ZNF343: variants seen among roughly 807,000 people sequenced by gnomAD.
The protein encoded by ZNF343 is zinc finger protein 343.
Under a neutral mutation model 13.8 loss-of-function variants are expected in ZNF343, and 11 were observed. The observed-to-expected ratio is 0.80, with a 90% confidence interval of 0.50 to 1.32. The LOEUF (loss-of-function observed/expected upper bound fraction) is 1.32. ZNF343 is among the 40% of genes most tolerant of loss of function. ZNF343 has a pLI of 0.00. For missense variants in ZNF343, 658 were observed against 714.2 expected (o/e 0.92, Z 0.90); for synonymous variants, 248 against 260.0 (o/e 0.95, Z 0.44).
chr20:2,505,636 C>T (rs2085643757), intron 1 of ZNF343, among the ~76,000 whole-genome samples: 2 of 152,178 alleles, frequency 1.3e-5, no homozygotes, highest in African/African-American at 4.8e-5. Flanking sequence ...GAAATAATGC[C>T]GCATATCTAC....
At chr20:2,514,902 T>C (rs545982282) in intron 1 of ZNF343, among the ~76,000 whole-genome samples, 19 of 152,070 alleles carry the variant, frequency 1.2e-4, no homozygotes, top group African/African-American at 4.3e-4. Flanking sequence ...GGCACGAGAA[T>C]TGCTTGAACT....
At chr20:2,490,178 G>A (rs1025636394) in intron 5 of ZNF343, among the ~76,000 whole-genome samples, 1 of 152,096 alleles carries the variant, frequency 6.6e-6, no homozygotes, top group Non-Finnish European at 1.5e-5. Flanking sequence ...AGATGGGGAT[G>A]AAGCACAGGT....
In ZNF343 at chr20:2,483,698, G is replaced by A; in HGVS notation, c.1263C>T (p.Asn421=). 3.3e-6 allele frequency: 5 copies of A among 1,516,724 alleles called. No individual in the cohort carries two copies. The highest frequency in any genetic ancestry group is 2.6e-5 in the East Asian group (1 of 37,930). 94.0% of individuals were successfully genotyped at this position (1,516,724 alleles called of 1,614,324 possible). Residue 421 remains asparagine (N), a synonymous_variant, in exon 6 of 6, where the codon AAC becomes AAT. Transcript: ENST00000278772. ...TCCTCTGGTGTTTGATGAGATCTGAGTTCTGGCTAAAGCCTCGCCCACACT... is the reference window on the plus strand; with the variant it reads ...TCCTCTGGTGTTTGATGAGATCTGAATTCTGGCTAAAGCCTCGCCCACACT... The part of the protein sequence containing the change: ...CRECGRGFSQ[N]SDLIKHQRTH...
Position 2,484,545 on chromosome 20 carries a change from T to C in ZNF343, c.416A>G (p.Asn139Ser), listed in dbSNP as rs1390228116. ...LQIFLGLCAE[N>S]HFHPGNSSPG... ...GCTAGAATTCCCTGGATGGAAGTGA[T>C]TTTCTGCACATAAGCCCAGGAAGAT... The change falls in exon 6 of 6, where the codon AAT becomes AGT. Residue 139 changes from asparagine to serine, a missense_variant. Asn to Ser is a conservative substitution (Grantham distance 46). Coordinates refer to ENST00000278772, the MANE Select transcript of ZNF343 (RefSeq NM_024325.6). 1.9e-6 allele frequency: 3 copies of C among 1,614,218 alleles called. No individual in the cohort carries two copies. Among genetic ancestry groups the C allele is most frequent in the Non-Finnish European group, 2.5e-6 (3 of 1,180,040 alleles).
At chr20:2,509,745 TAGG>T (rs2085726477), upstream of ZNF343, among the ~76,000 whole-genome samples, 1 of 152,230 alleles carries the variant, frequency 6.6e-6, no homozygotes. Flanking sequence ...ACACGGCAAT[TAGG>T]GGTTTGCAGA....
intron 2 of ZNF343, among the ~76,000 whole-genome samples, chr20:2,496,259 T>G (rs2085457268): frequency 6.6e-6 from 1 of 152,116 alleles, no homozygotes; most frequent in Non-Finnish European, 1.5e-5. Context: ...GAGGGAGTGA[T>G]TCATGTGGGC....
In ZNF343 at chr20:2,518,863, G is replaced by A. The variant is rs532638659; in HGVS notation, c.-347+5592C>T. Among the ~76,000 whole-genome samples the A allele has an allele frequency of 9.2e-5, 14 of 152,306 alleles. No individual in the cohort carries two copies. The highest frequency in any genetic ancestry group is 2.4e-4 in the African/African-American group (10 of 41,566). Reference sequence around the variant, plus strand: ...TCAGGGGAGGGACCTGGTGGAAGGCGATTGGCTCATGGGGGTGGTTTCATC... The same window carrying A: ...TCAGGGGAGGGACCTGGTGGAAGGCAATTGGCTCATGGGGGTGGTTTCATC... On this transcript the variant is annotated intron_variant, in intron 1 of 6. Transcript: ENST00000358413. The surrounding 1 kb of genome is among the most constrained non-coding windows in gnomAD (Gnocchi z 4.6).
intron 1 of ZNF343, among the ~76,000 whole-genome samples, chr20:2,514,494 G>A (rs1204978017): frequency 1.3e-5 from 2 of 152,170 alleles, no homozygotes; most frequent in Non-Finnish European, 2.9e-5. Context: ...CAATTATAGT[G>A]AATCAAAGCA....
upstream of ZNF343, among the ~76,000 whole-genome samples, chr20:2,509,674 A>T (rs2085725808): frequency 6.6e-6 from 1 of 152,164 alleles, no homozygotes; most frequent in South Asian, 2.1e-4. Flanking sequence ...CCAGGAGTTA[A>T]ATGTATATAT....
chr20:2,493,177 A>C (rs2122609800), intron 4 of ZNF343: 1 of 490,360 alleles, frequency 2.0e-6, no homozygotes, highest in East Asian at 3.9e-5. Context: ...TGGGCTGCAG[A>C]AGGAACAAAA....
At chr20:2,519,061 G>A (rs908238091) in intron 1 of ZNF343, among the ~76,000 whole-genome samples, 1 of 152,144 alleles carries the variant, frequency 6.6e-6, no homozygotes. Flanking sequence ...GTGCAACTGT[G>A]AGTCAATTAA....
At chr20:2,509,523 C>T (rs1211785405), upstream of ZNF343, among the ~76,000 whole-genome samples, 1 of 152,178 alleles carries the variant, frequency 6.6e-6, no homozygotes, top group Non-Finnish European at 1.5e-5. Flanking sequence ...AAGCTTCACT[C>T]AGGCTGGAGT....
chr20:2,520,869 C>CA (rs1433575138), intron 1 of ZNF343, among the ~76,000 whole-genome samples: 1 of 151,994 alleles, frequency 6.6e-6, no homozygotes, highest in Non-Finnish European at 1.5e-5. Flanking sequence ...GACTCTGAAA[C>CA]AAAAAATGGG....
intron 1 of ZNF343, among the ~76,000 whole-genome samples, chr20:2,504,780 G>T (rs7261400): frequency 0.26 from 39,775 of 151,976 alleles, 6,219 homozygotes; most frequent in Non-Finnish European, 0.36. Context: ...CTCAATAAAT[G>T]AGGTATTGAT....
At chr20:2,517,149 T>C (rs1214681920) in intron 1 of ZNF343, among the ~76,000 whole-genome samples, 2 of 152,218 alleles carry the variant, frequency 1.3e-5, no homozygotes, top group Admixed American at 6.5e-5. Context: ...ATATGTTTCA[T>C]TGTGCATTAG....
intron 1 of ZNF343, among the ~76,000 whole-genome samples, chr20:2,519,143 C>T (rs1296515043): frequency 6.6e-6 from 1 of 152,120 alleles, no homozygotes; most frequent in Non-Finnish European, 1.5e-5. Context: ...CTAATCCACC[C>T]ATTCACTACT....
intron 1 of ZNF343, among the ~76,000 whole-genome samples, chr20:2,523,979 C>CAA (rs56321237): frequency 0.011 from 1,147 of 104,250 alleles, 19 homozygotes; most frequent in African/African-American, 0.043. Flanking sequence ...GACCCCGTCT[C>CAA]AAAAAAAAAA....
Position 2,493,928 on chromosome 20 carries a change from A to T in ZNF343, c.-33T>A, listed in dbSNP as rs1212401359. The T allele has an allele frequency of 7.0e-7, 1 of 1,435,738 alleles. No homozygotes were observed. Among genetic ancestry groups the T allele is most frequent in the Non-Finnish European group, 9.8e-7 (1 of 1,017,566 alleles). The allele number at this position is 1,435,738 out of a possible 1,614,324, so 88.9% of individuals were successfully genotyped here. A position where few individuals can be genotyped will look rare whatever the true frequency, so the allele number is the denominator to read the frequency against. ...GAGTCAGCCCAGTGTGTGCCTTGAAATTCTGCCAGAGGTCCAGGTAGATGT... is the reference window on the plus strand; with the variant it reads ...GAGTCAGCCCAGTGTGTGCCTTGAATTTCTGCCAGAGGTCCAGGTAGATGT... On this transcript the variant is annotated 5_prime_UTR_variant, in exon 3 of 6. Transcript: ENST00000278772.
chr20:2,490,537 G>GTTTTTTTTTTTTTTTTTTTT (rs67601660), intron 5 of ZNF343, among the ~76,000 whole-genome samples: 1 of 124,648 alleles, frequency 8.0e-6, no homozygotes, highest in African/African-American at 3.0e-5. Flanking sequence ...CTTTTTTTTG[G>GTTTTTTTTTTTTTTTTTTTT]TTTTTGTTTT....
Sources: allele counts gnomAD v4.1 joint callset (sites outside exome capture counted in the v4.1 genomes callset), GRCh38; gene constraint gnomAD v4.1.1; non-coding constraint Gnocchi (gnomAD v3.1); transcripts MANE v1.5; gene names NCBI Gene and HGNC (gene_info 2026-07-23, HGNC 2026-07-21).